Variants in COG5 observed in about 807,000 individuals in gnomAD.
COG5 encodes the protein conserved oligomeric Golgi complex subunit 5.
COG5 carries 86 observed loss-of-function variants against 110.4 expected under a neutral mutation model. That is an observed-to-expected ratio of 0.78 (90% CI 0.65 to 0.93). The LOEUF is 0.93. COG5 is among the 40% of genes least tolerant of loss of function. The pLI is 0.00. For synonymous variants in COG5, 360 were observed against 334.6 expected (o/e 1.08, Z -0.83); for missense variants, 1,077 against 987.0 (o/e 1.09, Z -1.22).
chr7:107,335,867 G>C (rs1381944573), intron 10 of COG5, among the ~76,000 whole-genome samples: 1 of 151,896 alleles, frequency 6.6e-6, no homozygotes, highest in Non-Finnish European at 1.5e-5. Flanking sequence ...ACTATAAAAA[G>C]GACAAAGATC....
intron 6 of COG5, among the ~76,000 whole-genome samples, chr7:107,464,699 C>T (rs1434971703): frequency 6.6e-6 from 1 of 152,080 alleles, no homozygotes; most frequent in Non-Finnish European, 1.5e-5. Flanking sequence ...TTCATGGATG[C>T]TAACATAAGA....
At chr7:107,353,221 C>T (rs1302516647) in intron 10 of COG5, among the ~76,000 whole-genome samples, 2 of 151,810 alleles carry the variant, frequency 1.3e-5, no homozygotes, top group Admixed American at 1.3e-4. Flanking sequence ...GTCAGGAGAT[C>T]GAGACCATCC....
At chr7:107,561,427 G>A (rs1192906712) in intron 1 of COG5, among the ~76,000 whole-genome samples, 1 of 152,134 alleles carries the variant, frequency 6.6e-6, no homozygotes, top group Non-Finnish European at 1.5e-5. Context: ...ACAGGAACCT[G>A]GAAAAGAGCA....
intron 6 of COG5, among the ~76,000 whole-genome samples, chr7:107,414,663 A>G (rs983455352): frequency 7.0e-6 from 1 of 143,604 alleles, no homozygotes; most frequent in African/African-American, 2.5e-5. Context: ...CCATTTTGCA[A>G]TAGAAAATGT....
intron 6 of COG5, among the ~76,000 whole-genome samples, chr7:107,499,005 T>C (rs892732057): frequency 1.3e-5 from 2 of 152,196 alleles, no homozygotes. Flanking sequence ...ACAATGTGGA[T>C]GAATCTTATG....
chr7:107,295,083 ATATATATATATATATATATT>A (rs1357338995), intron 12 of COG5, among the ~76,000 whole-genome samples: 24 of 65,060 alleles, frequency 3.7e-4, no homozygotes, highest in East Asian at 1.4e-3. Flanking sequence ...ATATATATAT[ATATATATATATATATATATT>A]TTTTTTTTTT....
chr7:107,479,273 C>T (rs1797175770), intron 6 of COG5, among the ~76,000 whole-genome samples: 1 of 151,826 alleles, frequency 6.6e-6, no homozygotes, highest in Non-Finnish European at 1.5e-5. Flanking sequence ...AATACAGTAG[C>T]GAGAAGTTAT....
chr7:107,517,201 C>G (rs572669114), intron 6 of COG5, among the ~76,000 whole-genome samples: 1 of 151,674 alleles, frequency 6.6e-6, no homozygotes, highest in African/African-American at 2.4e-5. Flanking sequence ...GAAGCATACA[C>G]AAGTATCAAC....
At chr7:107,429,975 G>A (rs910791815) in intron 6 of COG5, among the ~76,000 whole-genome samples, 1 of 152,110 alleles carries the variant, frequency 6.6e-6, no homozygotes, top group Non-Finnish European at 1.5e-5. Context: ...TTTTTGAGTT[G>A]TAAGGGTCCT....
intron 6 of COG5, among the ~76,000 whole-genome samples, chr7:107,516,507 T>C (rs573365743): frequency 1.5e-4 from 23 of 152,358 alleles, no homozygotes; most frequent in Non-Finnish European, 3.2e-4. Context: ...AATTGTGCTT[T>C]GGGTAATATC....
intron 14 of COG5, among the ~76,000 whole-genome samples, chr7:107,271,047 G>A (rs1159466829): frequency 1.3e-5 from 2 of 151,832 alleles, no homozygotes; most frequent in African/African-American, 2.4e-5. Context: ...GTCTTCTTAT[G>A]TAGTAGAGCA....
intron 12 of COG5, among the ~76,000 whole-genome samples, chr7:107,295,727 C>A (rs1181642537): frequency 2.6e-5 from 4 of 152,156 alleles, no homozygotes; most frequent in Non-Finnish European, 1.5e-5. Flanking sequence ...CAATAATATC[C>A]TATTAGTGAA....
At chr7:107,480,795 T>C (rs1180273849) in intron 6 of COG5, 2 of 152,128 alleles carry the variant, frequency 1.3e-5, no homozygotes, top group Non-Finnish European at 2.9e-5. Context: ...CATTGAAATG[T>C]GGAAACAAAT....
rs1013095580 is a variant in COG5, at chr7:107,207,891, T to C, written c.2375+2635A>G. ...TTATTCAGCAGCAGTAGTTACACTATCCTCAATTTGCCCTATTTTATGACA... is the reference window on the plus strand; with the variant it reads ...TTATTCAGCAGCAGTAGTTACACTACCCTCAATTTGCCCTATTTTATGACA... On this transcript the variant is annotated intron_variant, in intron 21 of 21. Transcript: ENST00000297135. 4.1e-6 allele frequency: 4 copies of C among 985,282 alleles called. No individual in the cohort carries two copies. The African/African-American group carries it at 7.0e-5, about 17-fold the overall frequency. The allele number at this position is 985,282 out of a possible 1,614,324, so 61.0% of individuals were successfully genotyped here. A position where few individuals can be genotyped will look rare whatever the true frequency, so the allele number is the denominator to read the frequency against.
At chr7:107,560,562 C>T (rs112984646) in intron 1 of COG5, among the ~76,000 whole-genome samples, 1,976 of 152,246 alleles carry the variant, frequency 0.013, 58 homozygotes, top group African/African-American at 0.043. Flanking sequence ...TAAACTTCTG[C>T]CTCCAAGGAA....
At chr7:107,328,335 A>G (rs1809945203) in intron 10 of COG5, among the ~76,000 whole-genome samples, 1 of 152,248 alleles carries the variant, frequency 6.6e-6, no homozygotes, top group South Asian at 2.1e-4. Context: ...GCAAATATAC[A>G]GTACTACAGT....
chr7:107,210,505 C>A (rs1007734364), intron 21 of COG5, 21 bp downstream of exon 21: 4 of 1,580,762 alleles, frequency 2.5e-6, no homozygotes, highest in East Asian at 2.3e-5. Context: ...AGATGGGTGC[C>A]CCCAGAGCAC....
At chr7:107,500,992 T>C (rs190761229) in intron 6 of COG5, among the ~76,000 whole-genome samples, 1 of 152,206 alleles carries the variant, frequency 6.6e-6, no homozygotes, top group Non-Finnish European at 1.5e-5. Flanking sequence ...CAAAGACTAA[T>C]AAAAACTGTT....
intron 7 of COG5, among the ~76,000 whole-genome samples, chr7:107,388,391 C>G (rs1790360135): frequency 6.6e-6 from 1 of 152,148 alleles, no homozygotes; most frequent in Admixed American, 6.5e-5. Flanking sequence ...AAAATTAAAA[C>G]TGATAATGGT....
Sources: gnomAD v4.1 joint callset for allele counts (sites outside exome capture counted in the v4.1 genomes callset) on GRCh38, gnomAD v4.1.1 for gene constraint, MANE v1.5 for transcripts, NCBI Gene and HGNC (gene_info 2026-07-23, HGNC 2026-07-21) for gene names.